Variants in ZNF609 observed in about 807,000 individuals in gnomAD.
ZNF609 encodes zinc finger protein 609.
In ZNF609, 11 loss-of-function variants were observed where a neutral mutation model predicts 109.5. The ratio of observed to expected loss-of-function variants is 0.10; its 90% CI spans 0.06 to 0.17. The LOEUF (loss-of-function observed/expected upper bound fraction) is 0.17, where lower values mean the gene tolerates loss of function less well. Ranked by LOEUF, ZNF609 falls within the 10% of genes least tolerant of loss-of-function variation. ZNF609 has a pLI of 1.00. For synonymous variants in ZNF609, 646 were observed against 662.0 expected, an observed-to-expected ratio of 0.98 and a Z score of 0.37; for missense variants, 1,559 against 1,772.4, an observed-to-expected ratio of 0.88 and a Z score of 2.16.
At chr15:64,677,997 A>C in intron 5 of ZNF609, 119 bp from the exon 6 acceptor site, 1 of 1,371,600 alleles carries the variant, frequency 7.3e-7, no homozygotes, top group African/African-American at 1.4e-5. Flanking sequence ...CCAAAATCCT[A>C]CTCTGCCCCA....
chr15:64,565,347 C>T (rs1165647983), intron 2 of ZNF609, among the ~76,000 whole-genome samples: 1 of 151,598 alleles, frequency 6.6e-6, no homozygotes, highest in Non-Finnish European at 1.5e-5. Context: ...TCCCAAAGTG[C>T]TGGGATTATA....
chr15:64,590,008 A>G (rs957627164), intron 2 of ZNF609, among the ~76,000 whole-genome samples: 1 of 152,184 alleles, frequency 6.6e-6, no homozygotes. Flanking sequence ...AACATTATTC[A>G]AGTTTGCTAG....
intron 2 of ZNF609, among the ~76,000 whole-genome samples, chr15:64,571,826 C>T (rs979536778): frequency 1.3e-4 from 20 of 152,114 alleles, no homozygotes; most frequent in African/African-American, 3.1e-4. Flanking sequence ...CCCACCACCA[C>T]GCCTGGATAA....
rs57690590 is a variant in ZNF609 at position 64,580,955 on chromosome 15, C to CTTTTTTT, written c.748-41850_748-41844dup. On this transcript the variant is annotated intron_variant, in intron 2 of 9. Coordinates refer to ENST00000326648, the MANE Select transcript of ZNF609 (RefSeq NM_015042.2). ...TCTGTTTTCTAGTCTTCAATGTCTT[C>CTTTTTTT]TTTTTTTTTTTTTTTTTTTTTTTTT... is the stretch of plus-strand genomic sequence containing the variant. Among the ~76,000 whole-genome samples, 63 of 58,752 alleles carry CTTTTTTT rather than the reference C, an allele frequency of 1.1e-3. 2 individuals carry two copies. Among genetic ancestry groups the CTTTTTTT allele is most frequent in the African/African-American group, 4.7e-3 (60 of 12,814 alleles). The allele number at this position is 58,752 out of a possible 152,430, so 38.5% of individuals were successfully genotyped here. A position where few individuals can be genotyped will look rare whatever the true frequency, so the allele number is the denominator to read the frequency against.
intron 3 of ZNF609, among the ~76,000 whole-genome samples, chr15:64,651,537 A>G (rs972223781): frequency 6.6e-6 from 1 of 152,206 alleles, no homozygotes; most frequent in African/African-American, 2.4e-5. Flanking sequence ...GATTATTTTA[A>G]ACTAGGAAAC....
intron 2 of ZNF609, among the ~76,000 whole-genome samples, chr15:64,522,388 T>G (rs16948030): frequency 0.055 from 8,381 of 152,238 alleles, 777 homozygotes; most frequent in African/African-American, 0.19. Flanking sequence ...GATCTATACC[T>G]CATGAATCTC....
At chr15:64,607,900 T>TTC (rs1895638712) in intron 2 of ZNF609, among the ~76,000 whole-genome samples, 1 of 112,012 alleles carries the variant, frequency 8.9e-6, no homozygotes, top group Non-Finnish European at 1.9e-5. Flanking sequence ...TCTTTCTTTT[T>TTC]TTTTTTTTTT....
chr15:64,585,378 C>T (rs1224243367), intron 2 of ZNF609, among the ~76,000 whole-genome samples: 1 of 152,004 alleles, frequency 6.6e-6, no homozygotes, highest in Non-Finnish European at 1.5e-5. Context: ...TGTTTAGCCC[C>T]GAGGAAGGTA....
At chr15:64,612,923 G>A (rs1895740834) in intron 2 of ZNF609, among the ~76,000 whole-genome samples, 1 of 152,122 alleles carries the variant, frequency 6.6e-6, no homozygotes, top group Non-Finnish European at 1.5e-5. Context: ...GCTGAGGCAG[G>A]AGAATCACTT....
chr15:64,600,246 C>T (rs928059574), intron 2 of ZNF609, among the ~76,000 whole-genome samples: 1 of 151,736 alleles, frequency 6.6e-6, no homozygotes, highest in Non-Finnish European at 1.5e-5. Context: ...GTCAGGAGAT[C>T]GAGACCATCC....
intron 2 of ZNF609, among the ~76,000 whole-genome samples, chr15:64,555,909 AAAG>A (rs1894577203): frequency 6.7e-6 from 1 of 150,224 alleles, no homozygotes; most frequent in African/African-American, 2.4e-5. Flanking sequence ...AAAAAAAAAA[AAAG>A]AAAACCTGAA....
At chr15:64,551,511 G>T (rs1344117088) in intron 2 of ZNF609, among the ~76,000 whole-genome samples, 1 of 152,050 alleles carries the variant, frequency 6.6e-6, no homozygotes, top group East Asian at 1.9e-4. Flanking sequence ...AATTAGCTGG[G>T]CGTGGTAGTG....
intron 2 of ZNF609, among the ~76,000 whole-genome samples, chr15:64,507,087 A>C (rs1893648530): frequency 6.6e-6 from 1 of 152,156 alleles, no homozygotes; most frequent in South Asian, 2.1e-4. Context: ...TGGCCTGTTG[A>C]ATTTCAGACT....
At chr15:64,566,835 G>C (rs1289603994) in intron 2 of ZNF609, among the ~76,000 whole-genome samples, 1 of 152,164 alleles carries the variant, frequency 6.6e-6, no homozygotes, top group Non-Finnish European at 1.5e-5. Flanking sequence ...CGTCCTAGGA[G>C]AATGTAACTC....
chr15:64,612,498 C>T (rs2140962067), intron 2 of ZNF609, among the ~76,000 whole-genome samples: 1 of 152,098 alleles, frequency 6.6e-6, no homozygotes, highest in South Asian at 2.1e-4. Context: ...TTGCCAGCTA[C>T]TCTGTCTTTT....
chr15:64,516,849 G>T (rs551512679), intron 2 of ZNF609, among the ~76,000 whole-genome samples: 6 of 152,162 alleles, frequency 3.9e-5, no homozygotes, highest in Admixed American at 2.0e-4. Context: ...ACCATTTCCA[G>T]AATTAATCAG....
chr15:64,494,456 C>T (rs1391783072), intron 1 of ZNF609, among the ~76,000 whole-genome samples: 2 of 152,148 alleles, frequency 1.3e-5, no homozygotes, highest in Admixed American at 1.3e-4. Flanking sequence ...GTAACTTCTA[C>T]TCACTGACTC....
chr15:64,629,877 C>A (rs933799388), intron 3 of ZNF609, among the ~76,000 whole-genome samples: 1 of 152,166 alleles, frequency 6.6e-6, no homozygotes, highest in Non-Finnish European at 1.5e-5. Context: ...ATATTCATAT[C>A]TTTAGCTGTC....
At chr15:64,467,718 G>C (rs1300019595) in intron 1 of ZNF609, among the ~76,000 whole-genome samples, 1 of 152,158 alleles carries the variant, frequency 6.6e-6, no homozygotes, top group African/African-American at 2.4e-5. Context: ...GGTGGCGCAC[G>C]TCTGTAGTCC....
Sources: allele counts gnomAD v4.1 joint callset (sites outside exome capture counted in the v4.1 genomes callset), GRCh38; gene constraint gnomAD v4.1.1; transcripts MANE v1.5; gene names NCBI Gene and HGNC (gene_info 2026-07-23, HGNC 2026-07-21).